Variants in MAGI1 observed in about 807,000 individuals in gnomAD.
MAGI1 encodes membrane associated guanylate kinase, WW and PDZ domain containing 1, also known as membrane-associated guanylate kinase, WW and PDZ domain-containing protein 1.
In MAGI1, 58 loss-of-function variants were observed where a neutral mutation model predicts 139.9. That is an observed-to-expected ratio of 0.41 (90% confidence interval 0.34 to 0.52). The LOEUF is 0.52. MAGI1 is among the 20% of genes least tolerant of loss of function. The pLI is 0.12. For missense variants in MAGI1, 1,874 were observed against 1,901.6 expected (o/e 0.99, Z 0.27); for synonymous variants, 812 against 737.9 (o/e 1.10, Z -1.63).
chr3:65,628,797 A>G (rs971305467), intron 1 of MAGI1, among the ~76,000 whole-genome samples: 2 of 152,166 alleles, frequency 1.3e-5, no homozygotes, highest in African/African-American at 4.8e-5. Context: ...AGATAAAATG[A>G]TATCTTGGTG....
intron 15 of MAGI1, 29 bp downstream of exon 15, chr3:65,383,503 C>G (rs1171068862): frequency 2.6e-6 from 4 of 1,550,226 alleles, no homozygotes; most frequent in East Asian, 2.2e-5. Context: ...GAAAAATATG[C>G]TGGGAAGAGA....
intron 1 of MAGI1, among the ~76,000 whole-genome samples, chr3:65,771,136 G>C (rs972045893): frequency 1.3e-5 from 2 of 151,636 alleles, no homozygotes; most frequent in African/African-American, 4.8e-5. Flanking sequence ...GCGAAACCCC[G>C]TCTCTATTAA....
chr3:65,706,882 AAAG>A (rs2030400326), intron 1 of MAGI1, among the ~76,000 whole-genome samples: 3 of 152,216 alleles, frequency 2.0e-5, no homozygotes, highest in Admixed American at 1.3e-4. Flanking sequence ...GAAGACACTG[AAAG>A]ACTTTATTCA....
At chr3:65,797,217 A>G (rs561579161) in intron 1 of MAGI1, among the ~76,000 whole-genome samples, 1 of 152,326 alleles carries the variant, frequency 6.6e-6, no homozygotes, top group East Asian at 1.9e-4. Flanking sequence ...TCCAGCTGCA[A>G]TGGTCTCTTA....
intron 1 of MAGI1, among the ~76,000 whole-genome samples, chr3:65,996,099 C>A (rs1478951738): frequency 6.6e-6 from 1 of 152,198 alleles, no homozygotes; most frequent in African/African-American, 2.4e-5. Context: ...AAATTGGAAT[C>A]TACGACCCAC....
intron 18 of MAGI1, among the ~76,000 whole-genome samples, chr3:65,371,388 T>A (rs1941974652): frequency 6.6e-6 from 1 of 152,240 alleles, no homozygotes; most frequent in African/African-American, 2.4e-5. Context: ...GCATTATGTT[T>A]AAAAACACTA....
At chr3:65,791,442 T>C (rs565397684) in intron 1 of MAGI1, among the ~76,000 whole-genome samples, 1 of 152,168 alleles carries the variant, frequency 6.6e-6, no homozygotes, top group Non-Finnish European at 1.5e-5. Flanking sequence ...GCTGAAAAAA[T>C]ACTAATATTA....
At chr3:66,021,722 C>A (rs185428188) in intron 1 of MAGI1, among the ~76,000 whole-genome samples, 1 of 152,142 alleles carries the variant, frequency 6.6e-6, no homozygotes, top group Non-Finnish European at 1.5e-5. Flanking sequence ...AAACACCCTG[C>A]CTGATTCTAT....
intron 1 of MAGI1, among the ~76,000 whole-genome samples, chr3:65,707,483 G>C (rs1470358817): frequency 6.6e-6 from 1 of 152,034 alleles, no homozygotes; most frequent in African/African-American, 2.4e-5. Flanking sequence ...CCAGGAGTTT[G>C]AGACCATCCT....
intron 1 of MAGI1, among the ~76,000 whole-genome samples, chr3:65,710,851 T>C (rs984443197): frequency 4.6e-5 from 7 of 152,198 alleles, no homozygotes; most frequent in Non-Finnish European, 1.0e-4. Flanking sequence ...AATATATGCT[T>C]TCCCAATGCC....
intron 1 of MAGI1, among the ~76,000 whole-genome samples, chr3:65,869,637 T>C (rs1392577502): frequency 1.3e-5 from 2 of 152,044 alleles, no homozygotes; most frequent in East Asian, 3.9e-4. Flanking sequence ...CCTGACTTTG[T>C]GATCCGCCCA....
At chr3:65,760,311 T>C (rs182517507) in intron 1 of MAGI1, among the ~76,000 whole-genome samples, 1 of 151,978 alleles carries the variant, frequency 6.6e-6, no homozygotes, top group East Asian at 1.9e-4. Context: ...ATTCTCTTTT[T>C]AAAAGGAAGA....
intron 2 of MAGI1, among the ~76,000 whole-genome samples, chr3:65,516,822 G>A (rs1434437231): frequency 7.2e-6 from 1 of 139,378 alleles, no homozygotes; most frequent in African/African-American, 2.6e-5. Context: ...CCGCCTCCCG[G>A]GTTCACGCCA....
At chr3:65,830,828 C>T (rs1435138925) in intron 1 of MAGI1, among the ~76,000 whole-genome samples, 4 of 152,076 alleles carry the variant, frequency 2.6e-5, no homozygotes, top group Non-Finnish European at 5.9e-5. Context: ...CCAGGAGTCC[C>T]ACTTGTGACA....
intron 1 of MAGI1, among the ~76,000 whole-genome samples, chr3:65,810,997 G>T (rs2041193386): frequency 6.6e-6 from 1 of 152,176 alleles, no homozygotes; most frequent in Admixed American, 6.5e-5. Flanking sequence ...CTAAACAAAA[G>T]ATTGATAAAC....
At chr3:65,660,073 G>T (rs17073302) in intron 1 of MAGI1, among the ~76,000 whole-genome samples, 2 of 152,040 alleles carry the variant, frequency 1.3e-5, no homozygotes, top group African/African-American at 4.8e-5. Flanking sequence ...ACATGTTGTG[G>T]GGCAAATACA....
At chr3:65,613,341 CAG>C (rs1313569895) in intron 2 of MAGI1, among the ~76,000 whole-genome samples, 1 of 152,162 alleles carries the variant, frequency 6.6e-6, no homozygotes, top group East Asian at 1.9e-4. Context: ...CAATTAATGA[CAG>C]ATGTTATTAT....
intron 2 of MAGI1, among the ~76,000 whole-genome samples, chr3:65,597,252 GC>G (rs1271006849): frequency 6.8e-6 from 1 of 146,736 alleles, no homozygotes; most frequent in Non-Finnish European, 1.5e-5. Flanking sequence ...CATTTCGCCG[GC>G]CCCCTCCCCC....
intron 1 of MAGI1, among the ~76,000 whole-genome samples, chr3:65,912,869 A>T (rs1331171108): frequency 6.6e-6 from 1 of 152,246 alleles, no homozygotes; most frequent in African/African-American, 2.4e-5. Flanking sequence ...TACACTAGGT[A>T]CAAGTCATGA....
Sources: gnomAD v4.1 joint callset for allele counts (sites outside exome capture counted in the v4.1 genomes callset) on GRCh38, gnomAD v4.1.1 for gene constraint, MANE v1.5 for transcripts, NCBI Gene and HGNC (gene_info 2026-07-23, HGNC 2026-07-21) for gene names.